The following IFT122 variants were observed in gnomAD, a reference collection of about 807,000 sequenced individuals.
IFT122 encodes intraflagellar transport protein 122 homolog.
A neutral mutation model predicts 161.6 loss-of-function variants in IFT122; 118 were observed. The ratio of observed to expected loss-of-function variants is 0.73; its 90% CI spans 0.63 to 0.85. The LOEUF (loss-of-function observed/expected upper bound fraction) is 0.85. Ranked by LOEUF, IFT122 falls within the 40% of genes least tolerant of loss-of-function variation. The pLI is 0.00. For missense variants in IFT122, 1,381 were observed against 1,579.6 expected (o/e 0.87, Z 2.13); for synonymous variants, 550 against 602.4 (o/e 0.91, Z 1.27).
chr3:129,484,625 C>G (rs1188370215), intron 15 of IFT122, among the ~76,000 whole-genome samples: 3 of 152,192 alleles, frequency 2.0e-5, no homozygotes, highest in African/African-American at 7.2e-5. Context: ...CTCATCCCTT[C>G]CTTTATGGCT....
At chr3:129,478,270 C>A (rs752356135) in intron 12 of IFT122, 52 bp downstream of exon 12, 9 of 1,515,850 alleles carry the variant, frequency 5.9e-6, no homozygotes, top group Non-Finnish European at 8.2e-6. Flanking sequence ...TGTGCTCCCC[C>A]CCCAGTGATA....
chr3:129,519,050 G>A (rs2084389451), intron 27 of IFT122, 57 bp from the exon 28 acceptor site: 15 of 1,459,422 alleles, frequency 1.0e-5, no homozygotes, highest in Non-Finnish European at 1.3e-5. Context: ...GTAGGGTGGA[G>A]GCTAGGGTCT....
intron 9 of IFT122, among the ~76,000 whole-genome samples, chr3:129,470,488 A>G (rs2077253958): frequency 6.6e-6 from 1 of 151,354 alleles, no homozygotes; most frequent in South Asian, 2.1e-4. Context: ...GATGGTCTCA[A>G]TCTCCTGACC....
intron 27 of IFT122, 62 bp from the exon 28 acceptor site, chr3:129,519,045 G>A: frequency 7.2e-7 from 1 of 1,389,494 alleles, no homozygotes; most frequent in Admixed American, 1.7e-5. Flanking sequence ...GGGGTGTAGG[G>A]TGGAGGCTAG....
At chr3:129,513,980 T>G in intron 24 of IFT122, 1 of 357,806 alleles carries the variant, frequency 2.8e-6, no homozygotes, top group Admixed American at 3.8e-5. Flanking sequence ...GGGTTGAGGG[T>G]GGCTCCCCAG....
intron 9 of IFT122, among the ~76,000 whole-genome samples, chr3:129,471,579 A>G (rs2077375746): frequency 6.6e-6 from 1 of 152,240 alleles, no homozygotes; most frequent in Non-Finnish European, 1.5e-5. Flanking sequence ...CGAGGGCCAC[A>G]GGAAATATCT....
intron 1 of IFT122, among the ~76,000 whole-genome samples, chr3:129,443,613 G>A (rs2073565118): frequency 6.6e-6 from 1 of 152,200 alleles, no homozygotes; most frequent in African/African-American, 2.4e-5. Context: ...GCCATGCACT[G>A]TGGGTCCACA....
At chr3:129,442,836 T>A (rs1289038693) in intron 1 of IFT122, among the ~76,000 whole-genome samples, 2 of 152,208 alleles carry the variant, frequency 1.3e-5, no homozygotes, top group South Asian at 4.1e-4. Flanking sequence ...CTCCTCCCCA[T>A]CAGGCTTGCA....
At chr3:129,442,636 C>T (rs138085257) in intron 1 of IFT122, among the ~76,000 whole-genome samples, 1,673 of 152,130 alleles carry the variant, frequency 0.011, 12 homozygotes, top group South Asian at 0.029. Flanking sequence ...ATTAGTCCTC[C>T]ACATCCAAAT....
intron 15 of IFT122, among the ~76,000 whole-genome samples, chr3:129,484,277 C>G (rs1244100971): frequency 1.3e-5 from 2 of 152,066 alleles, no homozygotes; most frequent in Admixed American, 1.3e-4. Context: ...GATGGTCTCC[C>G]CTCCACCTTC....
rs1469993019 is a variant in IFT122, at chr3:129,477,870, A to G, written c.1148-146A>G. 7 of 685,578 alleles carry G rather than the reference A, an allele frequency of 1.0e-5. 1 individual carries two copies. The South Asian group carries it at 1.2e-4, about 12-fold the overall frequency. The allele number at this position is 685,578 out of a possible 1,614,324, so 42.5% of individuals were successfully genotyped here. A position where few individuals can be genotyped will look rare whatever the true frequency, so the allele number is the denominator to read the frequency against. On this transcript the variant is annotated intron_variant, in intron 11 of 29. Coordinates refer to ENST00000348417, the MANE Select transcript of IFT122 (RefSeq NM_052989.3). ...CCCAGGGTTCAGCAGAGTTGATTGT[A>G]TGTATTAGATACTCTAAAGATTTTT...
Position 129,450,782 on chromosome 3 carries a change from G to A in IFT122, c.108+845G>A, listed in dbSNP as rs1370461920. Among the ~76,000 whole-genome samples the A allele has an allele frequency of 4.2e-5, 6 of 141,984 alleles. No individual in the cohort carries two copies. In the East Asian group the frequency reaches 6.7e-4, roughly 16 times the overall value. The allele number at this position is 141,984 out of a possible 152,430, so 93.1% of individuals were successfully genotyped here. On this transcript the variant is annotated intron_variant, in intron 2 of 29. Transcript: ENST00000348417. The stretch of plus-strand genomic sequence containing the variant: ...GTCGCCCAGGCTGGAGTGCAGTGAC[G>A]CGATCTCGGCTTACTGCAAGCTCCA...
intron 7 of IFT122, among the ~76,000 whole-genome samples, chr3:129,465,000 A>G (rs924543665): frequency 5.3e-5 from 8 of 152,070 alleles, no homozygotes; most frequent in African/African-American, 1.7e-4. Flanking sequence ...TTAGGAATGA[A>G]TCCTGGACAT....
intron 20 of IFT122, 127 bp downstream of exon 20, chr3:129,503,009 C>A: frequency 2.4e-6 from 2 of 836,066 alleles, no homozygotes; most frequent in Non-Finnish European, 3.7e-6. Flanking sequence ...GAACATTGGG[C>A]TGGCAGTCAG....
chr3:129,448,108 T>C (rs2074262385), intron 1 of IFT122, among the ~76,000 whole-genome samples: 1 of 152,212 alleles, frequency 6.6e-6, no homozygotes, highest in Admixed American at 6.5e-5. Flanking sequence ...TTCAAATATC[T>C]TCTTCATTAA....
At chr3:129,518,708 C>G (rs1230434921) in intron 27 of IFT122, among the ~76,000 whole-genome samples, 1 of 152,168 alleles carries the variant, frequency 6.6e-6, no homozygotes, top group Non-Finnish European at 1.5e-5. Flanking sequence ...CAGGGACCTC[C>G]AGGTGAGTCT....
chr3:129,503,030 C>A, intron 20 of IFT122, 148 bp downstream of exon 20: 1 of 690,006 alleles, frequency 1.4e-6, no homozygotes, highest in Non-Finnish European at 2.4e-6. Flanking sequence ...GTAACTTAAC[C>A]TCGAATTCTC....
At chr3:129,483,345 C>T in intron 14 of IFT122, 140 bp from the exon 15 acceptor site, 1 of 741,558 alleles carries the variant, frequency 1.3e-6, no homozygotes, top group Non-Finnish European at 2.4e-6. Context: ...CTTTGTGGTC[C>T]CCTTTCATCC....
rs550889941 is a variant in IFT122, at chr3:129,512,212, C to T, written c.2887-100C>T. The T allele has an allele frequency of 4.6e-4, 385 of 841,904 alleles. 6 individuals are homozygous for T. In the South Asian group the frequency reaches 4.9e-3, roughly 11 times the overall value. The allele number at this position is 841,904 out of a possible 1,614,324, so 52.2% of individuals were successfully genotyped here. A position where few individuals can be genotyped will look rare whatever the true frequency, so the allele number is the denominator to read the frequency against. On this transcript the variant is annotated intron_variant, in intron 23 of 29. Transcript: ENST00000348417. ...TAGGTGCTCAATAATCAGAGCCGCT[C>T]TTGTTGATGTCACTCAGAATTATTG...
Sources: gnomAD v4.1 joint callset for allele counts (sites outside exome capture counted in the v4.1 genomes callset) on GRCh38, gnomAD v4.1.1 for gene constraint, MANE v1.5 for transcripts, NCBI Gene and HGNC (gene_info 2026-07-23, HGNC 2026-07-21) for gene names.